HDAC9: variants seen among roughly 807,000 people sequenced by gnomAD.
HDAC9 encodes histone deacetylase 9, also known as MEF-2 interacting transcription repressor (MITR) protein.
HDAC9 carries 41 observed loss-of-function variants against 139.4 expected under a neutral mutation model. The ratio of observed to expected loss-of-function variants is 0.29; its 90% CI spans 0.23 to 0.38. The LOEUF is 0.38. Among genes scored for constraint, HDAC9 ranks in the 10% least tolerant of loss-of-function variants. The pLI, the probability that HDAC9 is intolerant of heterozygous loss-of-function variation, is 1.00. For missense variants in HDAC9, 1,147 were observed against 1,297.0 expected, an observed-to-expected ratio of 0.88 and a Z score of 1.78; for synonymous variants, 517 against 476.2, an observed-to-expected ratio of 1.09 and a Z score of -1.12.
intron 2 of HDAC9, among the ~76,000 whole-genome samples, chr7:18,533,095 A>G (rs1286432741): frequency 1.3e-5 from 2 of 152,236 alleles, no homozygotes; most frequent in Non-Finnish European, 2.9e-5. Flanking sequence ...ATGTATTATA[A>G]CCATGTCAAT....
intron 2 of HDAC9, among the ~76,000 whole-genome samples, chr7:18,249,406 G>C (rs946323596): frequency 3.3e-5 from 5 of 150,982 alleles, no homozygotes; most frequent in African/African-American, 1.2e-4. Context: ...GGGAGGCTGA[G>C]GTGTGAGAAT....
chr7:18,816,242 C>G (rs759363320), intron 17 of HDAC9, among the ~76,000 whole-genome samples: 3 of 152,164 alleles, frequency 2.0e-5, no homozygotes, highest in Non-Finnish European at 2.9e-5. Context: ...ATTTTTACTT[C>G]TAAGTAAAGC....
At chr7:18,606,709 G>C (rs898215526) in intron 6 of HDAC9, among the ~76,000 whole-genome samples, 5 of 151,900 alleles carry the variant, frequency 3.3e-5, no homozygotes, top group African/African-American at 1.2e-4. Flanking sequence ...TTTTTTTCTA[G>C]ATAATAATTT....
chr7:18,655,224 T>G (rs1790723230), intron 11 of HDAC9, among the ~76,000 whole-genome samples: 1 of 152,272 alleles, frequency 6.6e-6, no homozygotes, highest in South Asian at 2.1e-4. Flanking sequence ...CTCCATCCAT[T>G]TGACAGCTTG....
intron 21 of HDAC9, among the ~76,000 whole-genome samples, chr7:18,841,894 TA>T (rs1280021291): frequency 1.3e-5 from 2 of 152,086 alleles, no homozygotes; most frequent in Non-Finnish European, 2.9e-5. Context: ...CCGATCTAAT[TA>T]CAACGGGGAT....
At chr7:18,593,557 G>T (rs766832747) in intron 5 of HDAC9, among the ~76,000 whole-genome samples, 1 of 152,094 alleles carries the variant, frequency 6.6e-6, no homozygotes, top group Non-Finnish European at 1.5e-5. Context: ...TTATACTGTT[G>T]ACTAGAAAGG....
intron 1 of HDAC9, among the ~76,000 whole-genome samples, chr7:18,335,585 T>C (rs541744082): frequency 3.3e-5 from 5 of 151,750 alleles, no homozygotes; most frequent in Admixed American, 1.3e-4. Flanking sequence ...TAGATAACTT[T>C]AATTTTAGAC....
intron 2 of HDAC9, among the ~76,000 whole-genome samples, chr7:18,541,198 G>GT (rs201098398): frequency 0.042 from 1,119 of 26,688 alleles, 11 homozygotes; most frequent in Non-Finnish European, 0.064. Flanking sequence ...TATAACATTT[G>GT]TTTTTTTCTG....
intron 2 of HDAC9, among the ~76,000 whole-genome samples, chr7:18,201,549 C>A (rs551768039): frequency 3.9e-4 from 59 of 152,262 alleles, no homozygotes; most frequent in African/African-American, 1.4e-3. Context: ...AGGGCCCACC[C>A]TCAGGGAGGA....
intron 6 of HDAC9, among the ~76,000 whole-genome samples, chr7:18,594,447 T>C (rs188845969): frequency 6.6e-6 from 1 of 152,204 alleles, no homozygotes; most frequent in African/African-American, 2.4e-5. Flanking sequence ...CCAATAAATA[T>C]TTTACAAACC....
At chr7:18,130,443 T>C (rs534802107) in intron 1 of HDAC9, among the ~76,000 whole-genome samples, 211 of 152,284 alleles carry the variant, frequency 1.4e-3, no homozygotes, top group African/African-American at 4.9e-3. Context: ...TACTCCGTTG[T>C]AGTTGCTTTT....
chr7:18,376,717 G>T (rs1166748364), intron 1 of HDAC9, among the ~76,000 whole-genome samples: 2 of 152,002 alleles, frequency 1.3e-5, no homozygotes, highest in South Asian at 4.1e-4. Context: ...GGAAACTATA[G>T]ATTAACACTG....
intron 2 of HDAC9, among the ~76,000 whole-genome samples, chr7:18,198,217 C>T (rs752177570): frequency 4.0e-5 from 6 of 151,788 alleles, no homozygotes; most frequent in Non-Finnish European, 7.4e-5. Context: ...AAATTTTCTT[C>T]GCAAAATATT....
intron 2 of HDAC9, among the ~76,000 whole-genome samples, chr7:18,227,097 A>G (rs1211474606): frequency 1.3e-5 from 2 of 152,134 alleles, no homozygotes; most frequent in African/African-American, 4.8e-5. Context: ...GTTGTTAAGA[A>G]AGTTAGATGG....
At chr7:18,425,714 A>T (rs773839430) in intron 1 of HDAC9, among the ~76,000 whole-genome samples, 1 of 152,218 alleles carries the variant, frequency 6.6e-6, no homozygotes, top group Non-Finnish European at 1.5e-5. Context: ...TGTACATTAC[A>T]TTTATAGAAA....
At chr7:18,532,750 A>G (rs911126230) in intron 2 of HDAC9, among the ~76,000 whole-genome samples, 1 of 151,570 alleles carries the variant, frequency 6.6e-6, no homozygotes, top group Non-Finnish European at 1.5e-5. Flanking sequence ...GCAGTTCTCT[A>G]CTCTGCCTCT....
chr7:18,169,855 A>G (rs1040526310), intron 2 of HDAC9, among the ~76,000 whole-genome samples: 4 of 152,150 alleles, frequency 2.6e-5, no homozygotes, highest in African/African-American at 9.7e-5. Flanking sequence ...AATCCAGTCT[A>G]TCATTGATGG....
At chr7:18,602,482 T>C (rs1217389347) in intron 6 of HDAC9, among the ~76,000 whole-genome samples, 1 of 151,824 alleles carries the variant, frequency 6.6e-6, no homozygotes, top group African/African-American at 2.4e-5. Flanking sequence ...ACTTTTTTTT[T>C]CTGCCTACTT....
At chr7:18,927,277 A>G (rs765338311) in intron 22 of HDAC9, among the ~76,000 whole-genome samples, 9 of 152,184 alleles carry the variant, frequency 5.9e-5, no homozygotes, top group Non-Finnish European at 1.3e-4. Context: ...TATGAATTAC[A>G]GCACCATGAG....
Sources: allele counts gnomAD v4.1 joint callset (sites outside exome capture counted in the v4.1 genomes callset), GRCh38; gene constraint gnomAD v4.1.1; transcripts MANE v1.5; gene names NCBI Gene and HGNC (gene_info 2026-07-23, HGNC 2026-07-21).